Variants in SPRED1 observed in about 807,000 individuals in gnomAD.
SPRED1 encodes sprouty-related, EVH1 domain-containing protein 1.
In SPRED1, 18 loss-of-function variants were observed where a neutral mutation model predicts 52.3. The observed-to-expected ratio is 0.34, with a 90% CI of 0.24 to 0.51. SPRED1 has a LOEUF of 0.51. Ranked by LOEUF, SPRED1 falls within the 20% of genes least tolerant of loss-of-function variation. The probability of loss-of-function intolerance (pLI) is 0.97; values close to 1 mark genes in which losing one functional copy is unlikely to be tolerated. For synonymous variants in SPRED1, 155 were observed against 179.7 expected (o/e 0.86, Z 1.10); for missense variants, 485 against 551.0 (o/e 0.88, Z 1.20).
At chr15:38,317,523 T>G (rs575416550) in intron 2 of SPRED1, among the ~76,000 whole-genome samples, 1 of 152,102 alleles carries the variant, frequency 6.6e-6, no homozygotes, top group African/African-American at 2.4e-5. Context: ...ATCTCAAATA[T>G]GGTAATTCAG....
At chr15:38,343,455 A>T (rs1318618499) in intron 5 of SPRED1, among the ~76,000 whole-genome samples, 1 of 152,166 alleles carries the variant, frequency 6.6e-6, no homozygotes, top group African/African-American at 2.4e-5. Flanking sequence ...AGATAAAATT[A>T]CTTCATTTTC....
intron 4 of SPRED1, among the ~76,000 whole-genome samples, chr15:38,335,451 A>G (rs1356938835): frequency 6.6e-6 from 1 of 152,116 alleles, no homozygotes; most frequent in African/African-American, 2.4e-5. Context: ...AGAAGAGGAA[A>G]TGGATGTGAA....
chr15:38,262,928 A>G (rs1003671582), intron 1 of SPRED1, among the ~76,000 whole-genome samples: 2 of 152,224 alleles, frequency 1.3e-5, no homozygotes, highest in East Asian at 1.9e-4. Context: ...CATCATGTAG[A>G]CAGTGGCGAC....
chr15:38,285,117 C>T (rs1190382270), intron 1 of SPRED1, among the ~76,000 whole-genome samples: 1 of 151,996 alleles, frequency 6.6e-6, no homozygotes, highest in Non-Finnish European at 1.5e-5. Context: ...CTCCCTCTCC[C>T]TCCATTCAAG....
chr15:38,284,210 G>C (rs1894754403), intron 1 of SPRED1, among the ~76,000 whole-genome samples: 1 of 152,046 alleles, frequency 6.6e-6, no homozygotes. Context: ...TCATAGTAGT[G>C]GCTGAAAATT....
At chr15:38,319,092 GTTATTA>G (rs149830361) in intron 2 of SPRED1, among the ~76,000 whole-genome samples, 10 of 151,704 alleles carry the variant, frequency 6.6e-5, no homozygotes, top group Admixed American at 4.6e-4. Context: ...TTAATTTGGT[GTTATTA>G]TTATATATTA....
chr15:38,310,193 C>T (rs368685837), intron 2 of SPRED1, among the ~76,000 whole-genome samples: 9 of 141,246 alleles, frequency 6.4e-5, no homozygotes, highest in South Asian at 2.4e-4. Context: ...CATACTGGAG[C>T]GCAGTGGCGC....
chr15:38,339,722 G>T lies in SPRED1; in HGVS notation c.424-15G>T. The T allele has an allele frequency of 6.2e-7, 1 of 1,613,084 alleles. No homozygotes were observed. Among genetic ancestry groups the T allele is most frequent in the Middle Eastern group, 1.7e-4 (1 of 6,052 alleles). On this transcript the variant is annotated splice_polypyrimidine_tract_variant and intron_variant, in intron 4 of 6. Transcript: ENST00000299084. ...TTATTCTGGCAACTAATGCATTGAG[G>T]GTTGTTCCCAATAGGCAAATGAAGA... is the stretch of plus-strand genomic sequence containing the variant.
At chr15:38,335,494 T>C (rs1054739475) in intron 4 of SPRED1, among the ~76,000 whole-genome samples, 1 of 152,136 alleles carries the variant, frequency 6.6e-6, no homozygotes, top group Non-Finnish European at 1.5e-5. Flanking sequence ...TTTAGAAAAT[T>C]ATTTTATTGA....
intron 5 of SPRED1, among the ~76,000 whole-genome samples, chr15:38,341,643 C>T (rs544036386): frequency 2.6e-5 from 4 of 152,030 alleles, no homozygotes; most frequent in South Asian, 2.1e-4. Context: ...TTATCAGAAA[C>T]GGGTTGTTTC....
chr15:38,349,910 T>C (rs572397246), intron 6 of SPRED1, among the ~76,000 whole-genome samples: 1 of 152,206 alleles, frequency 6.6e-6, no homozygotes, highest in Non-Finnish European at 1.5e-5. Flanking sequence ...GTCCAGGGAC[T>C]GGAGCTAAAG....
intron 1 of SPRED1, among the ~76,000 whole-genome samples, chr15:38,272,020 G>A (rs150814875): frequency 1.5e-3 from 227 of 152,216 alleles, no homozygotes; most frequent in African/African-American, 4.4e-3. Context: ...TTCTGTTCCT[G>A]CCTGAATTCA....
rs564420504 is a variant in SPRED1, at chr15:38,344,787, G to A, written c.583-4635G>A. On this transcript the variant is annotated intron_variant, in intron 5 of 6. Transcript: ENST00000299084. ...AATGTTAAATAGAACAATAATACTC[G>A]TAAGTAATTCCTTGTAATTGATAAT... is the stretch of plus-strand genomic sequence containing the variant. Among the ~76,000 whole-genome samples, 219 of 152,178 alleles carry A rather than the reference G, an allele frequency of 1.4e-3. 2 individuals are homozygous for A. The highest frequency in any genetic ancestry group is 3.4e-3 in the Middle Eastern group (1 of 294).
chr15:38,306,153 C>T (rs888993001), intron 2 of SPRED1, among the ~76,000 whole-genome samples: 1 of 152,138 alleles, frequency 6.6e-6, no homozygotes, highest in African/African-American at 2.4e-5. Flanking sequence ...CTGGCCCTGT[C>T]CTCCTTTGCC....
chr15:38,262,103 A>G (rs1189795888), intron 1 of SPRED1, among the ~76,000 whole-genome samples: 1 of 151,042 alleles, frequency 6.6e-6, no homozygotes, highest in African/African-American at 2.4e-5. Context: ...TAAACATTTC[A>G]GAATTTTAGT....
intron 2 of SPRED1, among the ~76,000 whole-genome samples, chr15:38,309,250 C>A (rs893567469): frequency 6.6e-6 from 1 of 152,170 alleles, no homozygotes; most frequent in African/African-American, 2.4e-5. Flanking sequence ...AAACGATTCT[C>A]CTGCCTCAGC....
rs1888621547 is a variant in SPRED1 at position 38,356,358 on chromosome 15, C to T, written c.*4694C>T. 6.6e-6 allele frequency: 1 copy of T among 151,994 alleles called. No homozygotes were observed. Among genetic ancestry groups the T allele is most frequent in the African/African-American group, 2.4e-5 (1 of 41,404 alleles). 9.4% of individuals were successfully genotyped at this position (151,994 alleles called of 1,614,324 possible). ...TTGTAACCATTTCTGTTACTTCATA[C>T]CCGTGTAATTGGACATAGCAGATGA... On this transcript the variant is annotated 3_prime_UTR_variant, in exon 7 of 7. Transcript: ENST00000299084.
intron 1 of SPRED1, among the ~76,000 whole-genome samples, chr15:38,293,794 T>C (rs1477689252): frequency 6.6e-6 from 1 of 152,212 alleles, no homozygotes; most frequent in African/African-American, 2.4e-5. Context: ...CTGTCATCTT[T>C]TGAACTTCGT....
Position 38,352,610 on chromosome 15 carries a change from T to G in SPRED1, c.*946T>G. On this transcript the variant is annotated 3_prime_UTR_variant, in exon 7 of 7. Transcript: ENST00000299084. Reference sequence around the variant, plus strand: ...CAAGTTGTTTTCTTTCAGAGTTTCCTCCTTCAAAAAGTTATATTGCATTTA... The same window carrying G: ...CAAGTTGTTTTCTTTCAGAGTTTCCGCCTTCAAAAAGTTATATTGCATTTA... The G allele has an allele frequency of 6.6e-6, 1 of 152,502 alleles. No individual in the cohort carries two copies. The highest frequency in any genetic ancestry group is 1.9e-4 in the East Asian group (1 of 5,202). The allele number at this position is 152,502 out of a possible 1,614,324, so 9.4% of individuals were successfully genotyped here. A position where few individuals can be genotyped will look rare whatever the true frequency, so the allele number is the denominator to read the frequency against.
Sources: gnomAD v4.1 joint callset for allele counts (sites outside exome capture counted in the v4.1 genomes callset) on GRCh38, gnomAD v4.1.1 for gene constraint, MANE v1.5 for transcripts, NCBI Gene and HGNC (gene_info 2026-07-23, HGNC 2026-07-21) for gene names.